GABBR2: variants seen among roughly 807,000 people sequenced by gnomAD.
The protein encoded by GABBR2 is gamma-aminobutyric acid type B receptor subunit 2.
GABBR2 carries 23 observed loss-of-function variants against 105.6 expected under a neutral mutation model. The ratio of observed to expected loss-of-function variants is 0.22; its 90% CI spans 0.16 to 0.31. The LOEUF (loss-of-function observed/expected upper bound fraction) is 0.31, where lower values mean the gene tolerates loss of function less well. Among genes scored for constraint, GABBR2 ranks in the 10% least tolerant of loss-of-function variants. GABBR2 has a pLI of 1.00. For missense variants in GABBR2, 734 were observed against 1,245.5 expected (o/e 0.59, Z 6.18); for synonymous variants, 478 against 499.7 (o/e 0.96, Z 0.58).
At chr9:98,359,744 G>A (rs1411171151) in intron 13 of GABBR2, among the ~76,000 whole-genome samples, 2 of 152,236 alleles carry the variant, frequency 1.3e-5, no homozygotes, top group African/African-American at 4.8e-5. Context: ...ATGGCTACCT[G>A]TGTCTTCCCA....
chr9:98,602,459 C>CA (rs796794572), intron 1 of GABBR2, among the ~76,000 whole-genome samples: 42,971 of 125,304 alleles, frequency 0.34, 7,517 homozygotes, highest in East Asian at 0.6. Context: ...GACTCTGTCT[C>CA]AAAAAAAAAA....
chr9:98,502,673 T>C (rs561646558), intron 3 of GABBR2, among the ~76,000 whole-genome samples: 5 of 152,290 alleles, frequency 3.3e-5, no homozygotes, highest in Admixed American at 3.3e-4. Context: ...CCTCCATGGA[T>C]GCAAGGTGAG....
At chr9:98,440,732 C>G (rs2485143) in intron 7 of GABBR2, among the ~76,000 whole-genome samples, 152,309 of 152,372 alleles carry the variant, frequency 1, 76,123 homozygotes, top group Middle Eastern at 1. Context: ...TTCTCATCCA[C>G]GTGAGCACAG....
chr9:98,577,754 C>T (rs1484745917), intron 2 of GABBR2, among the ~76,000 whole-genome samples, 181 bp downstream of exon 2: 1 of 152,180 alleles, frequency 6.6e-6, no homozygotes, highest in Non-Finnish European at 1.5e-5. Flanking sequence ...CTTTAGAGAC[C>T]TACTGTGGGG....
intron 3 of GABBR2, among the ~76,000 whole-genome samples, chr9:98,512,567 C>G (rs1463597100): frequency 3.3e-5 from 5 of 152,262 alleles, no homozygotes; most frequent in Non-Finnish European, 7.3e-5. Flanking sequence ...TCTCAGGATA[C>G]AAAATCAATG....
intron 1 of GABBR2, among the ~76,000 whole-genome samples, chr9:98,617,287 C>T (rs1315726837): frequency 6.6e-6 from 1 of 152,088 alleles, no homozygotes; most frequent in Admixed American, 6.6e-5. Flanking sequence ...AGCTGCTCCC[C>T]AAAGGAGGTG....
At chr9:98,290,798 T>G in intron 18 of GABBR2, 49 bp from the exon 19 acceptor site, 1 of 1,335,498 alleles carries the variant, frequency 7.5e-7, no homozygotes, top group Non-Finnish European at 9.8e-7. Context: ...GCTGGGCGCT[T>G]ACCAGAAAGT....
chr9:98,530,867 T>C (rs1048009175), intron 3 of GABBR2, among the ~76,000 whole-genome samples: 2 of 152,200 alleles, frequency 1.3e-5, no homozygotes, highest in Non-Finnish European at 1.5e-5. Context: ...AACTGGCAGA[T>C]GAGATTTTAA....
chr9:98,419,193 C>T (rs1832739560), intron 7 of GABBR2, among the ~76,000 whole-genome samples: 1 of 152,144 alleles, frequency 6.6e-6, no homozygotes, highest in African/African-American at 2.4e-5. Flanking sequence ...GAAAAAGATG[C>T]AGATCAGAGA....
chr9:98,403,959 C>T (rs535358729), intron 8 of GABBR2, among the ~76,000 whole-genome samples: 2 of 151,882 alleles, frequency 1.3e-5, no homozygotes, highest in East Asian at 3.9e-4. Flanking sequence ...TCGGGTGGGT[C>T]GACCCACAAA....
intron 1 of GABBR2, among the ~76,000 whole-genome samples, chr9:98,618,911 C>T (rs1829630836): frequency 6.6e-6 from 1 of 152,180 alleles, no homozygotes; most frequent in Non-Finnish European, 1.5e-5. Context: ...CCAATGATCT[C>T]TTCTATAAAC....
Position 98,288,974 on chromosome 9 carries a change from G to A in GABBR2, c.*1610C>T, listed in dbSNP as rs1435606042. Reference sequence around the variant, plus strand: ...ATAGGTTTCTTTAGGGAGTGAGCGAGCTGCTCAGTTGTGCAGACATCCTGG... The same window carrying A: ...ATAGGTTTCTTTAGGGAGTGAGCGAACTGCTCAGTTGTGCAGACATCCTGG... On this transcript the variant is annotated 3_prime_UTR_variant, in exon 19 of 19. Coordinates refer to ENST00000259455, the MANE Select transcript of GABBR2 (RefSeq NM_005458.8). 2 of 152,650 alleles carry A rather than the reference G, an allele frequency of 1.3e-5. No homozygotes were observed. The highest frequency in any genetic ancestry group is 2.9e-5 in the Non-Finnish European group (2 of 68,076). The allele number at this position is 152,650 out of a possible 1,614,324, so 9.5% of individuals were successfully genotyped here. A position where few individuals can be genotyped will look rare whatever the true frequency, so the allele number is the denominator to read the frequency against.
chr9:98,632,575 T>C (rs1307016309), intron 1 of GABBR2, among the ~76,000 whole-genome samples: 1 of 152,200 alleles, frequency 6.6e-6, no homozygotes, highest in East Asian at 1.9e-4. Flanking sequence ...AGCTGCTTCC[T>C]GGCTGTCGTG....
At chr9:98,432,882 A>T (rs1296545546) in intron 7 of GABBR2, among the ~76,000 whole-genome samples, 1 of 152,052 alleles carries the variant, frequency 6.6e-6, no homozygotes, top group Non-Finnish European at 1.5e-5. Context: ...GGTCACCACC[A>T]CTCATAAAGG....
chr9:98,433,282 G>T (rs569398051), intron 7 of GABBR2, among the ~76,000 whole-genome samples: 1 of 152,348 alleles, frequency 6.6e-6, no homozygotes, highest in South Asian at 2.1e-4. Flanking sequence ...GATCCTGCAT[G>T]CTTGAGAGAG....
At chr9:98,452,154 TCCAGCCCA>T (rs974613252) in intron 7 of GABBR2, among the ~76,000 whole-genome samples, 20 of 152,324 alleles carry the variant, frequency 1.3e-4, no homozygotes, top group African/African-American at 4.8e-4. Context: ...CTGCACAGGT[TCCAGCCCA>T]CCAGACCAAC....
intron 13 of GABBR2, among the ~76,000 whole-genome samples, chr9:98,328,165 T>C (rs995630045): frequency 2.0e-5 from 3 of 151,860 alleles, no homozygotes; most frequent in African/African-American, 7.3e-5. Flanking sequence ...CACAAACCCC[T>C]GTCTCCATCT....
intron 17 of GABBR2, among the ~76,000 whole-genome samples, 197 bp from the exon 18 acceptor site, chr9:98,294,099 A>G (rs552562078): frequency 6.6e-6 from 1 of 152,330 alleles, no homozygotes; most frequent in African/African-American, 2.4e-5. Context: ...TCCAGCAGTC[A>G]GGGATGGAAG....
intron 7 of GABBR2, among the ~76,000 whole-genome samples, chr9:98,445,670 T>G (rs1474171719): frequency 6.6e-6 from 1 of 152,224 alleles, no homozygotes; most frequent in Non-Finnish European, 1.5e-5. Context: ...GTTGTACCAA[T>G]GCATCGGTCA....
Sources: allele counts gnomAD v4.1 joint callset (sites outside exome capture counted in the v4.1 genomes callset), GRCh38; gene constraint gnomAD v4.1.1; transcripts MANE v1.5; gene names NCBI Gene and HGNC (gene_info 2026-07-23, HGNC 2026-07-21).